Variants in DSCAML1 observed in about 807,000 individuals in gnomAD.
DSCAML1 encodes cell adhesion molecule DSCAML1.
DSCAML1 carries 38 observed loss-of-function variants against 200.5 expected under a neutral mutation model. That is an observed-to-expected ratio of 0.19 (90% confidence interval 0.15 to 0.25). The LOEUF (loss-of-function observed/expected upper bound fraction) is 0.25. Ranked by LOEUF, DSCAML1 falls within the 10% of genes least tolerant of loss-of-function variation. DSCAML1 has a pLI of 1.00. For missense variants in DSCAML1, 2,223 were observed against 2,858.8 expected (o/e 0.78, Z 5.07); for synonymous variants, 1,215 against 1,165.0 (o/e 1.04, Z -0.87).
chr11:117,519,949 A>G (rs1235242198), intron 6 of DSCAML1, among the ~76,000 whole-genome samples: 2 of 152,222 alleles, frequency 1.3e-5, no homozygotes, highest in Non-Finnish European at 2.9e-5. Flanking sequence ...TGACGAGGAC[A>G]CCTGGGGAGG....
rs1388954680 is a variant in DSCAML1 at position 117,816,997 on chromosome 11, CT to C, written c.-250+392del. Among the ~76,000 whole-genome samples the C allele has an allele frequency of 2.0e-5, 3 of 152,252 alleles. No individual in the cohort carries two copies. In the East Asian group the frequency reaches 5.8e-4, roughly 29 times the overall value. ...TGCCTGCCAGAACCCAGCAGAAGCC[CT>C]CCTGCCCCCATGCCCACAGGGCTCT... On this transcript the variant is annotated intron_variant, in intron 1 of 2. Coordinates refer to the DSCAML1 transcript ENST00000525836.
chr11:117,707,535 C>CA (rs554359638), intron 3 of DSCAML1, among the ~76,000 whole-genome samples: 2 of 149,552 alleles, frequency 1.3e-5, no homozygotes, highest in Non-Finnish European at 3.0e-5. Flanking sequence ...TCTTTTTATT[C>CA]TTTTTTTTTT....
At chr11:117,672,326 C>T (rs945803810) in intron 3 of DSCAML1, among the ~76,000 whole-genome samples, 2 of 152,090 alleles carry the variant, frequency 1.3e-5, no homozygotes, top group Admixed American at 1.3e-4. Flanking sequence ...TGGTATTTGA[C>T]ATCATCGGTG....
At chr11:117,738,471 C>T (rs1293906979) in intron 3 of DSCAML1, among the ~76,000 whole-genome samples, 1 of 152,096 alleles carries the variant, frequency 6.6e-6, no homozygotes, top group Non-Finnish European at 1.5e-5. Flanking sequence ...GTCAACCATG[C>T]TTCCTCCTCA....
chr11:117,561,634 G>A (rs1246014025), intron 3 of DSCAML1, among the ~76,000 whole-genome samples: 2 of 152,148 alleles, frequency 1.3e-5, no homozygotes, highest in Non-Finnish European at 2.9e-5. Context: ...GCCTGTGATG[G>A]TCTGGGTCTG....
intron 3 of DSCAML1, among the ~76,000 whole-genome samples, chr11:117,735,212 T>C (rs775252198): frequency 2.6e-5 from 4 of 151,896 alleles, no homozygotes; most frequent in Non-Finnish European, 5.9e-5. Flanking sequence ...TTTCATTAGG[T>C]GGAGGAAGGA....
At chr11:117,428,842 A>G in intron 32 of DSCAML1, 39 bp from the exon 33 acceptor site, 1 of 1,528,622 alleles carries the variant, frequency 6.5e-7, no homozygotes, top group Admixed American at 1.9e-5. Context: ...AGAGAGTCAT[A>G]GCCCTCTGGA....
chr11:117,443,696 G>A (rs970544284), intron 21 of DSCAML1, among the ~76,000 whole-genome samples, 190 bp downstream of exon 21: 5 of 152,254 alleles, frequency 3.3e-5, no homozygotes, highest in Non-Finnish European at 7.3e-5. Context: ...CTGTTGTGAG[G>A]CTTTGCTGGA....
chr11:117,452,175 A>G (rs994180641), intron 19 of DSCAML1, among the ~76,000 whole-genome samples: 1 of 152,216 alleles, frequency 6.6e-6, no homozygotes, highest in Non-Finnish European at 1.5e-5. Flanking sequence ...CTATCCTTGC[A>G]TACTTTTTTC....
intron 3 of DSCAML1, among the ~76,000 whole-genome samples, chr11:117,765,582 T>A (rs1192853927): frequency 1.3e-5 from 2 of 152,224 alleles, no homozygotes; most frequent in Non-Finnish European, 2.9e-5. Context: ...AGACTACTAA[T>A]GCTGGGGCAG....
At chr11:117,788,197 G>C (rs1047413876) in intron 1 of DSCAML1, among the ~76,000 whole-genome samples, 6 of 152,234 alleles carry the variant, frequency 3.9e-5, no homozygotes, top group Non-Finnish European at 5.9e-5. Flanking sequence ...AGCGGGCCAA[G>C]TCCCATGCTC....
rs2055219886 is a variant in DSCAML1, at chr11:117,780,260, G to GAAAGAAAGA, written c.364+224_364+232dup. ...AGAAAGAAAGAAAGAAAGAAAGAAA[G>GAAAGAAAGA]AAAGAAAGAAAGAAAGAAAGAAAGA... On this transcript the variant is annotated intron_variant, in intron 2 of 32. Coordinates refer to ENST00000651296, the MANE Select transcript of DSCAML1 (RefSeq NM_020693.4). The surrounding 1 kb of genome is among the most constrained non-coding windows in gnomAD (Gnocchi z 4.8). Among the ~76,000 whole-genome samples, 1 of 91,408 alleles carries GAAAGAAAGA rather than the reference G, an allele frequency of 1.1e-5. No individual in the cohort carries two copies. Among genetic ancestry groups the GAAAGAAAGA allele is most frequent in the African/African-American group, 3.5e-5 (1 of 28,512 alleles). 60.0% of individuals were successfully genotyped at this position (91,408 alleles called of 152,430 possible). A position where few individuals can be genotyped will look rare whatever the true frequency, so the allele number is the denominator to read the frequency against.
intron 3 of DSCAML1, among the ~76,000 whole-genome samples, chr11:117,698,511 T>C (rs998066037): frequency 6.6e-6 from 1 of 152,224 alleles, no homozygotes; most frequent in Admixed American, 6.5e-5. Context: ...TACACAATTT[T>C]ACATTCCCAT....
At chr11:117,446,378 A>AAAC (rs544893674) in intron 20 of DSCAML1, among the ~76,000 whole-genome samples, 255 of 152,228 alleles carry the variant, frequency 1.7e-3, no homozygotes, top group Middle Eastern at 3.4e-3. Flanking sequence ...ACAAAAACAA[A>AAAC]AACAAAAACA....
At chr11:117,626,691 T>C (rs2052054087) in intron 3 of DSCAML1, among the ~76,000 whole-genome samples, 1 of 152,122 alleles carries the variant, frequency 6.6e-6, no homozygotes, top group Admixed American at 6.5e-5. Flanking sequence ...GCGCTTATTT[T>C]CCCATCATCA....
intron 3 of DSCAML1, among the ~76,000 whole-genome samples, chr11:117,628,005 C>T (rs1474105473): frequency 6.6e-6 from 1 of 152,164 alleles, no homozygotes; most frequent in Non-Finnish European, 1.5e-5. Context: ...GAGCACTTCT[C>T]AGTAATACCT....
chr11:117,559,361 T>A (rs559994965), intron 3 of DSCAML1, among the ~76,000 whole-genome samples: 97 of 152,264 alleles, frequency 6.4e-4, no homozygotes, highest in African/African-American at 2.3e-3. Context: ...CCCCGAGTTT[T>A]TAGACAAAGC....
chr11:117,527,893 T>C (rs2050006351), intron 4 of DSCAML1, among the ~76,000 whole-genome samples: 1 of 152,112 alleles, frequency 6.6e-6, no homozygotes, highest in African/African-American at 2.4e-5. Context: ...GGAGCCCGGG[T>C]TGGGAATCAG....
At chr11:117,684,435 TAAA>T (rs149958154) in intron 3 of DSCAML1, among the ~76,000 whole-genome samples, 4 of 74,612 alleles carry the variant, frequency 5.4e-5, no homozygotes, top group Non-Finnish European at 1.1e-4. Flanking sequence ...TTTCATTAAC[TAAA>T]AAAAAAAAAA....
Sources: allele counts gnomAD v4.1 joint callset (sites outside exome capture counted in the v4.1 genomes callset), GRCh38; gene constraint gnomAD v4.1.1; non-coding constraint Gnocchi (gnomAD v3.1); transcripts MANE v1.5; gene names NCBI Gene and HGNC (gene_info 2026-07-23, HGNC 2026-07-21).